PBX3: variants seen among roughly 807,000 people sequenced by gnomAD.
The protein encoded by PBX3 is pre-B-cell leukemia transcription factor 3.
In PBX3, 14 loss-of-function variants were observed where a neutral mutation model predicts 48.5. That is an observed-to-expected ratio of 0.29 (90% confidence interval 0.19 to 0.45). The LOEUF (loss-of-function observed/expected upper bound fraction) is 0.45. Ranked by LOEUF, PBX3 falls within the 20% of genes least tolerant of loss-of-function variation. The pLI, the probability that PBX3 is intolerant of heterozygous loss-of-function variation, is 1.00. For missense variants in PBX3, 386 were observed against 546.7 expected (o/e 0.71, Z 2.93); for synonymous variants, 210 against 200.3 (o/e 1.05, Z -0.41).
chr9:125,814,441 C>T (rs553008703), intron 2 of PBX3, among the ~76,000 whole-genome samples: 7 of 151,916 alleles, frequency 4.6e-5, no homozygotes, highest in South Asian at 2.1e-4. Flanking sequence ...AGATGAGTGC[C>T]GTAAGTGCTG....
At chr9:125,807,349 GA>G (rs201356194) in intron 2 of PBX3, among the ~76,000 whole-genome samples, 4 of 135,140 alleles carry the variant, frequency 3.0e-5, no homozygotes, top group Admixed American at 8.0e-5. Flanking sequence ...AAAAAAAAAA[GA>G]AAATATTAAC....
chr9:125,817,262 T>G (rs895108297), intron 2 of PBX3, among the ~76,000 whole-genome samples: 2 of 152,198 alleles, frequency 1.3e-5, no homozygotes, highest in Non-Finnish European at 2.9e-5. Context: ...ATCACACAGA[T>G]TTGTTGTTTA....
At chr9:125,929,428 G>A (rs1196438700) in intron 3 of PBX3, among the ~76,000 whole-genome samples, 1 of 152,234 alleles carries the variant, frequency 6.6e-6, no homozygotes, top group Non-Finnish European at 1.5e-5. Context: ...TGGGTGGGAA[G>A]AGTAGTTGAA....
intron 2 of PBX3, among the ~76,000 whole-genome samples, chr9:125,902,122 G>T (rs1444505342): frequency 6.6e-6 from 1 of 151,234 alleles, no homozygotes. Flanking sequence ...TATGGAGAGA[G>T]GCTAGTAGCG....
chr9:125,779,303 C>A (rs990172983), intron 2 of PBX3, among the ~76,000 whole-genome samples: 1 of 132,500 alleles, frequency 7.5e-6, no homozygotes, highest in Non-Finnish European at 1.6e-5. Context: ...GTGTTTCTCG[C>A]AGAGGGGGAT....
chr9:125,853,173 T>C (rs1839629177), intron 2 of PBX3, among the ~76,000 whole-genome samples: 1 of 152,190 alleles, frequency 6.6e-6, no homozygotes, highest in Non-Finnish European at 1.5e-5. Flanking sequence ...AGAATTTAAA[T>C]TGTACTCCTT....
chr9:125,873,487 A>G (rs1184435174), intron 2 of PBX3, among the ~76,000 whole-genome samples: 1 of 152,358 alleles, frequency 6.6e-6, no homozygotes, highest in African/African-American at 2.4e-5. Flanking sequence ...AGCATGACAC[A>G]TACCATATTC....
chr9:125,874,878 G>A (rs1382750832), intron 2 of PBX3, among the ~76,000 whole-genome samples: 4 of 152,144 alleles, frequency 2.6e-5, no homozygotes, highest in Non-Finnish European at 4.4e-5. Flanking sequence ...TTCTATAAAT[G>A]TATTTGAATG....
At chr9:125,871,874 G>T (rs1372732867) in intron 2 of PBX3, among the ~76,000 whole-genome samples, 3 of 152,188 alleles carry the variant, frequency 2.0e-5, no homozygotes, top group African/African-American at 7.2e-5. Flanking sequence ...GGGCACAAAG[G>T]TGCTTCTAGG....
chr9:125,749,960 C>G (rs1836325727), intron 2 of PBX3, among the ~76,000 whole-genome samples: 1 of 152,144 alleles, frequency 6.6e-6, no homozygotes, highest in Non-Finnish European at 1.5e-5. Flanking sequence ...CTCAGTGATC[C>G]TTTCTTGAAT....
intron 2 of PBX3, among the ~76,000 whole-genome samples, chr9:125,762,934 C>G (rs7030174): frequency 0.026 from 3,919 of 152,068 alleles, 67 homozygotes; most frequent in Middle Eastern, 0.051. Context: ...TAGAGGTAAC[C>G]TTTTACAAAG....
intron 2 of PBX3, among the ~76,000 whole-genome samples, chr9:125,897,347 G>A (rs569195570): frequency 2.6e-5 from 4 of 151,780 alleles, no homozygotes; most frequent in South Asian, 2.1e-4. Flanking sequence ...AAAAACATTC[G>A]TAAGACAGTT....
chr9:125,923,745 T>G (rs1023660069), intron 3 of PBX3, among the ~76,000 whole-genome samples: 3 of 151,462 alleles, frequency 2.0e-5, no homozygotes, highest in African/African-American at 7.3e-5. Context: ...TTTAATAATT[T>G]CCTGTAGAGA....
At chr9:125,780,332 C>T (rs1837227307) in intron 2 of PBX3, among the ~76,000 whole-genome samples, 1 of 138,820 alleles carries the variant, frequency 7.2e-6, no homozygotes, top group East Asian at 2.3e-4. Flanking sequence ...AGGCGCCCCT[C>T]ACCTCCCGGA....
intron 2 of PBX3, among the ~76,000 whole-genome samples, chr9:125,796,045 C>T (rs1426233232): frequency 6.6e-6 from 1 of 151,986 alleles, no homozygotes; most frequent in Non-Finnish European, 1.5e-5. Context: ...CTAGCTTATC[C>T]TTTTGCAGTA....
chr9:125,891,083 TTTTC>T (rs150612163), intron 2 of PBX3, among the ~76,000 whole-genome samples: 5,806 of 152,258 alleles, frequency 0.038, 385 homozygotes, highest in African/African-American at 0.13. Flanking sequence ...ACCTTTATCT[TTTTC>T]TTTCTTTCTA....
chr9:125,889,921 G>T (rs1054062557), intron 2 of PBX3, among the ~76,000 whole-genome samples: 1 of 150,194 alleles, frequency 6.7e-6, no homozygotes, highest in Non-Finnish European at 1.5e-5. Flanking sequence ...GGGGCAGAGC[G>T]CCCTGAGCGG....
At chr9:125,767,814 A>G (rs768827424) in intron 2 of PBX3, among the ~76,000 whole-genome samples, 2 of 152,164 alleles carry the variant, frequency 1.3e-5, no homozygotes, top group Non-Finnish European at 2.9e-5. Context: ...TTCTACAAAC[A>G]CTCAGACCAC....
At position 125,966,148 on chromosome 9, in the gene PBX3, C is replaced by A. The variant is rs1455554099; in HGVS notation, c.*225C>A. On this transcript the variant is annotated 3_prime_UTR_variant, in exon 9 of 9. Coordinates refer to ENST00000373489, the MANE Select transcript of PBX3 (RefSeq NM_006195.6). Reference sequence around the variant, plus strand: ...AATAAAGCACTTTATCCAATTAGGCCAAGATTTAACATTGTTGACAGTCCT... The same window carrying A: ...AATAAAGCACTTTATCCAATTAGGCAAAGATTTAACATTGTTGACAGTCCT... 5 of 399,082 alleles carry A rather than the reference C, an allele frequency of 1.3e-5. No individual in the cohort carries two copies. Among genetic ancestry groups the A allele is most frequent in the African/African-American group, 2.0e-5 (1 of 49,466 alleles). 24.7% of individuals were successfully genotyped at this position (399,082 alleles called of 1,614,324 possible).
Sources: allele counts gnomAD v4.1 joint callset (sites outside exome capture counted in the v4.1 genomes callset), GRCh38; gene constraint gnomAD v4.1.1; transcripts MANE v1.5; gene names NCBI Gene and HGNC (gene_info 2026-07-23, HGNC 2026-07-21).